HDAC2: variants seen among roughly 807,000 people sequenced by gnomAD.
HDAC2 encodes YY1-associated factor 1.
Under a neutral mutation model 68.5 loss-of-function variants are expected in HDAC2, and 5 were observed. That is an observed-to-expected ratio of 0.07 (90% CI 0.04 to 0.15). The LOEUF (loss-of-function observed/expected upper bound fraction) is 0.15. Among genes scored for constraint, HDAC2 ranks in the 10% least tolerant of loss-of-function variants. The probability of loss-of-function intolerance (pLI) is 1.00; values close to 1 mark genes in which losing one functional copy is unlikely to be tolerated. For missense variants in HDAC2, 291 were observed against 600.8 expected (o/e 0.48, Z 5.39); for synonymous variants, 182 against 191.3 (o/e 0.95, Z 0.40).
intron 4 of HDAC2, 76 bp from the exon 5 acceptor site, chr6:113,956,227 A>G: frequency 1.7e-6 from 2 of 1,189,318 alleles, no homozygotes; most frequent in Non-Finnish European, 2.4e-6. Context: ...AAACACTACA[A>G]GTGTATGCCA....
intron 1 of HDAC2, among the ~76,000 whole-genome samples, chr6:113,967,075 A>T (rs1388901950): frequency 6.6e-6 from 1 of 152,230 alleles, no homozygotes; most frequent in Non-Finnish European, 1.5e-5. Context: ...AAAATCTGAC[A>T]ATCGTTGGCT....
chr6:113,944,395 T>C lies in HDAC2; in HGVS notation c.1107A>G (p.Glu369=). ...YMEKIKQRLF[E]NLRMLPHAPG... ...GTGCATGAGGTAACATGCGCAAATT[T>C]TCAAACAAACGCTGTCTAAATTACA... The change falls in exon 11 of 14, where the codon GAA becomes GAG. Residue 369 remains glutamate, a synonymous_variant. Transcript: ENST00000519065. 1 of 1,613,528 alleles carries C rather than the reference T, an allele frequency of 6.2e-7. No individual in the cohort carries two copies. Among genetic ancestry groups the C allele is most frequent in the Non-Finnish European group, 8.5e-7 (1 of 1,179,584 alleles).
intron 4 of HDAC2, 135 bp from the exon 5 acceptor site, chr6:113,956,286 A>G (rs1776550503): frequency 1.4e-6 from 1 of 732,338 alleles, no homozygotes; most frequent in African/African-American, 1.8e-5. Context: ...AATCATCTAT[A>G]ACACAAATAG....
At chr6:113,962,426 ATTTTAAAT>A in intron 1 of HDAC2, 12 of 672,838 alleles carry the variant, frequency 1.8e-5, no homozygotes, top group Non-Finnish European at 2.2e-5. Flanking sequence ...AAATATAAAT[ATTTTAAAT>A]AAAGGCTTAG....
intron 9 of HDAC2, among the ~76,000 whole-genome samples, 155 bp downstream of exon 9, chr6:113,945,853 A>G (rs1482505519): frequency 6.6e-6 from 1 of 152,244 alleles, no homozygotes; most frequent in Admixed American, 6.5e-5. Flanking sequence ...AGGCTGGGCT[A>G]AGTCATGTTT....
At chr6:113,942,295 T>C (rs1282185714) in intron 12 of HDAC2, among the ~76,000 whole-genome samples, 3 of 152,202 alleles carry the variant, frequency 2.0e-5, no homozygotes, top group Non-Finnish European at 4.4e-5. Context: ...GTTACAAATA[T>C]AGACTGAAGC....
intron 4 of HDAC2, 140 bp from the exon 5 acceptor site, chr6:113,956,291 A>C: frequency 1.4e-6 from 1 of 698,554 alleles, no homozygotes. Context: ...TCTATAACAC[A>C]AATAGGAGTT....
In HDAC2 at chr6:113,958,747, G is replaced by A; in HGVS notation, c.185C>T (p.Ala62Val). 6.2e-7 allele frequency: 1 copy of A among 1,605,096 alleles called. No homozygotes were observed. Among genetic ancestry groups the A allele is most frequent in the Non-Finnish European group, 8.5e-7 (1 of 1,172,818 alleles). ...ACTGTGATATTTTGTCATTTCTTCG[G>A]CAGTGGCTTTATGGGGCCTCTGTGA... ...MEIYRPHKATAEEMTKYHSDE... is the reference protein window; with the variant it reads ...MEIYRPHKATVEEMTKYHSDE... Residue 62 changes from alanine to valine, a missense_variant, in exon 3 of 14, where the codon GCC becomes GTC. Physicochemically the swap from Ala to Val is moderately conservative, Grantham distance 64 (BLOSUM62 0). Transcript: ENST00000519065.
intron 1 of HDAC2, among the ~76,000 whole-genome samples, chr6:113,963,488 T>C (rs1472219764): frequency 1.3e-5 from 2 of 152,226 alleles, no homozygotes; most frequent in Non-Finnish European, 2.9e-5. Flanking sequence ...GCATTTTAAA[T>C]GTTACTGATT....
Position 113,943,567 on chromosome 6 carries a change from G to C in HDAC2, c.1223-61C>G, listed in dbSNP as rs139036465. 4,973 of 1,332,822 alleles carry C rather than the reference G, an allele frequency of 3.7e-3. 29 individuals are homozygous for C. Among genetic ancestry groups the C allele is most frequent in the South Asian group, 9.8e-3 (696 of 70,664 alleles). 82.6% of individuals were successfully genotyped at this position (1,332,822 alleles called of 1,614,324 possible). On this transcript the variant is annotated intron_variant, in intron 11 of 13. Coordinates refer to ENST00000519065, the MANE Select transcript of HDAC2 (RefSeq NM_001527.4). ...AGTCACAGGTTTTATAATCATTACA[G>C]CATACTCATACAAATGCACTAAGCA...
intron 9 of HDAC2, 71 bp downstream of exon 9, chr6:113,945,937 T>C (rs905984410): frequency 9.9e-6 from 12 of 1,213,268 alleles, no homozygotes; most frequent in African/African-American, 1.5e-5. Flanking sequence ...CAGGACCTAA[T>C]TGCAACATAA....
intron 6 of HDAC2, among the ~76,000 whole-genome samples, chr6:113,951,149 T>C (rs544726207): frequency 2.6e-5 from 4 of 152,320 alleles, no homozygotes; most frequent in South Asian, 2.1e-4. Flanking sequence ...TTGTTAGACA[T>C]AGCTTTCTCT....
chr6:113,935,986 C>T lies in HDAC2; in HGVS notation c.*5072G>A, dbSNP rs1775990890. 1 of 152,112 alleles carries T rather than the reference C, an allele frequency of 6.6e-6. No homozygotes were observed. Among genetic ancestry groups the T allele is most frequent in the Non-Finnish European group, 1.5e-5 (1 of 68,012 alleles). The allele number at this position is 152,112 out of a possible 1,614,324, so 9.4% of individuals were successfully genotyped here. On this transcript the variant is annotated 3_prime_UTR_variant, in exon 14 of 14. Transcript: ENST00000519065. ...CTGTATACTAACTGATTCTTACCAC[C>T]AGTCAAAACAGAAAATTATTCTGGC...
Position 113,940,764 on chromosome 6 carries a change from C to G in HDAC2, c.*294G>C. 3.6e-6 allele frequency: 1 copy of G among 277,428 alleles called. No individual in the cohort carries two copies. Among genetic ancestry groups the G allele is most frequent in the East Asian group, 6.6e-5 (1 of 15,218 alleles). 17.2% of individuals were successfully genotyped at this position (277,428 alleles called of 1,614,324 possible). A position where few individuals can be genotyped will look rare whatever the true frequency, so the allele number is the denominator to read the frequency against. On this transcript the variant is annotated 3_prime_UTR_variant, in exon 14 of 14. Coordinates refer to ENST00000519065, the MANE Select transcript of HDAC2 (RefSeq NM_001527.4). Reference sequence around the variant, plus strand: ...AGATAATTACAAAAGATGGAAAAATCAGCTCAGAAAGGCCAATTACTTCTT... The same window carrying G: ...AGATAATTACAAAAGATGGAAAAATGAGCTCAGAAAGGCCAATTACTTCTT...
chr6:113,965,651 G>A (rs1474144839), intron 1 of HDAC2, among the ~76,000 whole-genome samples: 5 of 152,270 alleles, frequency 3.3e-5, no homozygotes, highest in African/African-American at 7.2e-5. Context: ...GATTATAGGC[G>A]TGAGCCACTG....
Position 113,970,599 on chromosome 6 carries a change from C to A in HDAC2, c.52+258G>T, listed in dbSNP as rs1020994654. On this transcript the variant is annotated intron_variant, in intron 1 of 13. Transcript: ENST00000519065. ...CCAGCGGCGGCCACCTTCGAGGCTG[C>A]GGACTGCACGGCCGAAGGGGGAGAG... 4 of 1,285,506 alleles carry A rather than the reference C, an allele frequency of 3.1e-6. No homozygotes were observed. The East Asian group carries it at 9.9e-5, about 32-fold the overall frequency. The allele number at this position is 1,285,506 out of a possible 1,614,324, so 79.6% of individuals were successfully genotyped here.
rs867133043 is a variant in HDAC2, at chr6:113,949,468, T to C, written c.640-208A>G. The C allele has an allele frequency of 5.4e-6, 3 of 556,062 alleles. No homozygotes were observed. In the African/African-American group the frequency reaches 5.7e-5, roughly 11 times the overall value. 34.4% of individuals were successfully genotyped at this position (556,062 alleles called of 1,614,324 possible). On this transcript the variant is annotated intron_variant, in intron 6 of 13. Coordinates refer to ENST00000519065, the MANE Select transcript of HDAC2 (RefSeq NM_001527.4). ...TGCTCCAATATTTATAGACTGCTTG[T>C]AAAGCATACAAGAACCATTTTCAAT...
chr6:113,956,899 A>C (rs1266404406), intron 3 of HDAC2: 1 of 497,486 alleles, frequency 2.0e-6, no homozygotes, highest in Non-Finnish European at 3.6e-6. Flanking sequence ...AAGATCATCA[A>C]ATCTTATCAG....
chr6:113,968,038 G>A (rs1345504404), intron 1 of HDAC2, among the ~76,000 whole-genome samples: 2 of 152,154 alleles, frequency 1.3e-5, no homozygotes, highest in Non-Finnish European at 1.5e-5. Context: ...TACATAACGT[G>A]CAGAGAACAA....
Sources: gnomAD v4.1 joint callset for allele counts (sites outside exome capture counted in the v4.1 genomes callset) on GRCh38, gnomAD v4.1.1 for gene constraint, MANE v1.5 for transcripts, NCBI Gene and HGNC (gene_info 2026-07-23, HGNC 2026-07-21) for gene names.